The following PLCL1 variants were observed in gnomAD, a reference collection of about 807,000 sequenced individuals.
The protein encoded by PLCL1 is phospholipase C like 1 (inactive).
Under a neutral mutation model 84.4 loss-of-function variants are expected in PLCL1, and 41 were observed. The ratio of observed to expected loss-of-function variants is 0.49; its 90% CI spans 0.38 to 0.63. PLCL1 has a LOEUF of 0.63. Among genes scored for constraint, PLCL1 ranks in the 30% least tolerant of loss-of-function variants. The pLI is 0.00. For missense variants in PLCL1, 1,206 were observed against 1,367.8 expected, an observed-to-expected ratio of 0.88 and a Z score of 1.87; for synonymous variants, 490 against 488.3, an observed-to-expected ratio of 1.00 and a Z score of -0.05.
At chr2:198,121,306 C>CT (rs1158767572) in intron 5 of PLCL1, among the ~76,000 whole-genome samples, 1 of 151,996 alleles carries the variant, frequency 6.6e-6, no homozygotes, top group Non-Finnish European at 1.5e-5. Flanking sequence ...TGTGCAGAAA[C>CT]TTTTTAACTT....
At chr2:197,893,381 T>C (rs1294657186) in intron 1 of PLCL1, among the ~76,000 whole-genome samples, 2 of 152,180 alleles carry the variant, frequency 1.3e-5, no homozygotes, top group South Asian at 2.1e-4. Context: ...AGTATATTTG[T>C]TGTCAGATTT....
chr2:198,008,434 A>G (rs1264993372), intron 1 of PLCL1, among the ~76,000 whole-genome samples: 3 of 152,168 alleles, frequency 2.0e-5, no homozygotes, highest in Non-Finnish European at 4.4e-5. Flanking sequence ...CACTTTAGAT[A>G]CTTCATATGA....
At chr2:197,986,125 A>G in intron 1 of PLCL1, among the ~76,000 whole-genome samples, 1 of 152,206 alleles carries the variant, frequency 6.6e-6, no homozygotes. Flanking sequence ...CCAAGCATTC[A>G]TTACAAAGTG....
rs571318518 is a variant in PLCL1, at chr2:198,141,618, C to T, written c.3106-5162C>T. 2.6e-5 allele frequency among the ~76,000 whole-genome samples: 4 copies of T among 152,064 alleles called. No homozygotes were observed. In the East Asian group the frequency reaches 7.7e-4, roughly 29 times the overall value. Reference sequence around the variant, plus strand: ...AACTTCTTAAATGATAGAGTCCCAACGGATGGTTTTTGAATTAGTAAGATG... The same window carrying T: ...AACTTCTTAAATGATAGAGTCCCAATGGATGGTTTTTGAATTAGTAAGATG... On this transcript the variant is annotated intron_variant, in intron 5 of 5. Transcript: ENST00000428675.
intron 1 of PLCL1, among the ~76,000 whole-genome samples, chr2:198,008,394 C>T (rs1690783478): frequency 6.6e-6 from 1 of 152,008 alleles, no homozygotes; most frequent in South Asian, 2.1e-4. Context: ...TGGAAATTAC[C>T]ATTCTACTTT....
At chr2:198,146,751 C>A in intron 5 of PLCL1, 29 bp from the exon 6 acceptor site, 1 of 1,593,496 alleles carries the variant, frequency 6.3e-7, no homozygotes, top group Non-Finnish European at 8.6e-7. Flanking sequence ...TAACTGTCTT[C>A]TTTGATGCCT....
At chr2:197,950,767 G>T (rs981584926) in intron 1 of PLCL1, among the ~76,000 whole-genome samples, 1 of 152,140 alleles carries the variant, frequency 6.6e-6, no homozygotes, top group African/African-American at 2.4e-5. Context: ...AGGCAGAATT[G>T]TAAGATAGGA....
intron 1 of PLCL1, among the ~76,000 whole-genome samples, chr2:198,035,472 T>A (rs911003248): frequency 5.9e-5 from 9 of 152,204 alleles, no homozygotes; most frequent in Non-Finnish European, 1.0e-4. Context: ...GGTGTTGTTT[T>A]TTGTTTTTGT....
intron 1 of PLCL1, among the ~76,000 whole-genome samples, chr2:197,851,989 A>G (rs1687248457): frequency 1.3e-5 from 2 of 152,220 alleles, no homozygotes; most frequent in African/African-American, 4.8e-5. Flanking sequence ...ACAATTTCCA[A>G]ATAGCTCTCC....
chr2:197,813,421 T>G (rs1690629573), intron 1 of PLCL1, among the ~76,000 whole-genome samples: 1 of 152,194 alleles, frequency 6.6e-6, no homozygotes, highest in Non-Finnish European at 1.5e-5. Flanking sequence ...ATATAAAAGA[T>G]GCAAAGTCAT....
intron 1 of PLCL1, among the ~76,000 whole-genome samples, chr2:198,063,611 G>A (rs1248054338): frequency 6.6e-6 from 1 of 152,196 alleles, no homozygotes; most frequent in African/African-American, 2.4e-5. Context: ...AACCAATCAT[G>A]TGAGAGCTGT....
At position 197,806,744 on chromosome 2, in the gene PLCL1, T is replaced by C. The variant is rs114111601; in HGVS notation, c.240+1405T>C. ...ATCACAATTAGGAAACACATACATT[T>C]TGGATTCTACTGTATTGATACTACA... On this transcript the variant is annotated intron_variant, in intron 1 of 5. Transcript: ENST00000428675. 4.3e-3 allele frequency among the ~76,000 whole-genome samples: 659 copies of C among 152,354 alleles called. 5 individuals carry two copies. Among genetic ancestry groups the C allele is most frequent in the African/African-American group, 0.015 (631 of 41,580 alleles).
intron 1 of PLCL1, among the ~76,000 whole-genome samples, chr2:197,903,133 C>A (rs183052623): frequency 6.6e-6 from 1 of 152,166 alleles, no homozygotes; most frequent in East Asian, 1.9e-4. Context: ...TAGGCGAAAC[C>A]ACGATAATTC....
chr2:198,100,507 A>G (rs935700857), intron 3 of PLCL1, among the ~76,000 whole-genome samples: 2 of 152,070 alleles, frequency 1.3e-5, no homozygotes, highest in African/African-American at 4.8e-5. Flanking sequence ...GGGAGGAGGA[A>G]CAAGTAGGGT....
chr2:197,912,926 A>ATG (rs1688515470), intron 1 of PLCL1, among the ~76,000 whole-genome samples: 1 of 144,992 alleles, frequency 6.9e-6, no homozygotes, highest in Non-Finnish European at 1.5e-5. Context: ...CAATGTGCAC[A>ATG]TGTACCCTAA....
chr2:197,935,654 A>G (rs1221288543), intron 1 of PLCL1, among the ~76,000 whole-genome samples: 1 of 152,124 alleles, frequency 6.6e-6, no homozygotes, highest in African/African-American at 2.4e-5. Flanking sequence ...AAAACTACCT[A>G]TCGGGTACCA....
At chr2:197,975,755 A>C (rs945203636) in intron 1 of PLCL1, among the ~76,000 whole-genome samples, 3 of 152,094 alleles carry the variant, frequency 2.0e-5, no homozygotes, top group Non-Finnish European at 4.4e-5. Context: ...GCAGTGAGCT[A>C]TATTTGTGCC....
chr2:197,921,948 T>G (rs923518966), intron 1 of PLCL1, among the ~76,000 whole-genome samples: 1 of 151,700 alleles, frequency 6.6e-6, no homozygotes, highest in Non-Finnish European at 1.5e-5. Flanking sequence ...GTGCCCTATC[T>G]AGCAGAATTC....
In PLCL1 at chr2:197,891,115, T is replaced by C. The variant is rs569802904; in HGVS notation, c.240+85776T>C. Among the ~76,000 whole-genome samples, 3 of 152,000 alleles carry C rather than the reference T, an allele frequency of 2.0e-5. No homozygotes were observed. The South Asian group carries it at 6.2e-4, about 32-fold the overall frequency. ...TTGAACACCTACTCTGTCAAGGATG[T>C]GCTAGGTGTTGGAGATACAGAGATA... On this transcript the variant is annotated intron_variant, in intron 1 of 5. Transcript: ENST00000428675.
Sources: gnomAD v4.1 joint callset for allele counts (sites outside exome capture counted in the v4.1 genomes callset) on GRCh38, gnomAD v4.1.1 for gene constraint, MANE v1.5 for transcripts, NCBI Gene and HGNC (gene_info 2026-07-23, HGNC 2026-07-21) for gene names.